The following SH3PXD2A variants were observed in gnomAD, a reference collection of about 807,000 sequenced individuals.
The protein encoded by SH3PXD2A is SH3 and PX domain-containing protein 2A.
Under a neutral mutation model 115.2 loss-of-function variants are expected in SH3PXD2A, and 32 were observed. The observed-to-expected ratio is 0.28, with a 90% confidence interval of 0.21 to 0.37. The LOEUF (loss-of-function observed/expected upper bound fraction) is 0.37, where lower values mean the gene tolerates loss of function less well. Among genes scored for constraint, SH3PXD2A ranks in the 10% least tolerant of loss-of-function variants. The pLI is 1.00. For missense variants in SH3PXD2A, 1,328 were observed against 1,498.7 expected, an observed-to-expected ratio of 0.89 and a Z score of 1.88; for synonymous variants, 610 against 629.1, an observed-to-expected ratio of 0.97 and a Z score of 0.45.
chr10:103,796,299 G>A (rs1589458086), intron 2 of SH3PXD2A, among the ~76,000 whole-genome samples: 1 of 151,592 alleles, frequency 6.6e-6, no homozygotes, highest in Non-Finnish European at 1.5e-5. Context: ...GGAGGCTGAG[G>A]CTTCAGTGAG....
chr10:103,629,269 G>A (rs1192647181), intron 8 of SH3PXD2A, among the ~76,000 whole-genome samples: 2 of 152,240 alleles, frequency 1.3e-5, no homozygotes, highest in Non-Finnish European at 2.9e-5. Flanking sequence ...CGTGGTGACA[G>A]GCAGGTGCTG....
chr10:103,706,931 C>G (rs77683461), intron 5 of SH3PXD2A, among the ~76,000 whole-genome samples: 1 of 152,170 alleles, frequency 6.6e-6, no homozygotes, highest in Non-Finnish European at 1.5e-5. Context: ...GGCAGCAGCC[C>G]GCGGCCTCCT....
intron 2 of SH3PXD2A, among the ~76,000 whole-genome samples, chr10:103,792,649 G>A (rs544588154): frequency 1.3e-3 from 204 of 152,280 alleles, no homozygotes; most frequent in Non-Finnish European, 2.5e-3. Context: ...GACAGTAAGC[G>A]CTGGGGCTGG....
At chr10:103,810,620 G>A (rs890600739) in intron 1 of SH3PXD2A, among the ~76,000 whole-genome samples, 2 of 152,116 alleles carry the variant, frequency 1.3e-5, no homozygotes, top group African/African-American at 2.4e-5. Context: ...GGTTTCTAAC[G>A]GGAGTGTCTC....
intron 1 of SH3PXD2A, among the ~76,000 whole-genome samples, chr10:103,848,985 A>C (rs1397758075): frequency 7.2e-6 from 1 of 138,784 alleles, no homozygotes; most frequent in African/African-American, 2.7e-5. Context: ...TTTACTGATG[A>C]GGAAACTGAG....
intron 8 of SH3PXD2A, among the ~76,000 whole-genome samples, chr10:103,646,419 G>T (rs2134011574): frequency 6.6e-6 from 1 of 152,270 alleles, no homozygotes; most frequent in Non-Finnish European, 1.5e-5. Flanking sequence ...CCCAGACCAG[G>T]TTTCTCATTC....
chr10:103,756,708 G>A lies in SH3PXD2A; in HGVS notation c.229+10386C>T, dbSNP rs2038645647. 6.6e-6 allele frequency among the ~76,000 whole-genome samples: 1 copy of A among 152,156 alleles called. No homozygotes were observed. The highest frequency in any genetic ancestry group is 2.4e-5 in the African/African-American group (1 of 41,430). ...CTGCCATCTTGGCCAGGGCTGCCCA[G>A]ACAGAGCTATGGGCAGTCATCCTCG... is the stretch of plus-strand genomic sequence containing the variant. On this transcript the variant is annotated intron_variant, in intron 3 of 14. Coordinates refer to ENST00000369774, the MANE Select transcript of SH3PXD2A (RefSeq NM_001394015.1). This position sits in a 1 kb window ranked among gnomAD's most constrained non-coding sequence, Gnocchi z 4.4.
In SH3PXD2A at chr10:103,595,843, C is replaced by T. The variant is rs1385257144; in HGVS notation, c.*5973G>A. ...GGGCTCTCCACCCAGTCTGTAAGCA[C>T]CAGTGTGCCCACCTTATGGCCTGGG... On this transcript the variant is annotated 3_prime_UTR_variant, in exon 15 of 15. Transcript: ENST00000369774. The T allele has an allele frequency of 6.6e-6, 1 of 152,644 alleles. No individual in the cohort carries two copies. The highest frequency in any genetic ancestry group is 1.5e-5 in the Non-Finnish European group (1 of 68,058). 9.5% of individuals were successfully genotyped at this position (152,644 alleles called of 1,614,324 possible). A position where few individuals can be genotyped will look rare whatever the true frequency, so the allele number is the denominator to read the frequency against.
At chr10:103,653,993 C>T (rs1451420815) in intron 8 of SH3PXD2A, among the ~76,000 whole-genome samples, 1 of 151,914 alleles carries the variant, frequency 6.6e-6, no homozygotes, top group Non-Finnish European at 1.5e-5. Flanking sequence ...GTCGCAGCCC[C>T]ACCACGCCCT....
intron 7 of SH3PXD2A, among the ~76,000 whole-genome samples, chr10:103,667,360 T>TA (rs2037397091): frequency 6.6e-6 from 1 of 152,142 alleles, no homozygotes; most frequent in South Asian, 2.1e-4. Context: ...TCTAGCCCCT[T>TA]ATAACTGGTT....
In SH3PXD2A at chr10:103,772,867, GA is replaced by G. The variant is rs202004579; in HGVS notation, c.154-5699del. Among the ~76,000 whole-genome samples, 842 of 152,086 alleles carry G rather than the reference GA, an allele frequency of 5.5e-3. 6 individuals carry two copies. The highest frequency in any genetic ancestry group is 0.019 in the African/African-American group (806 of 41,520). ...CTTGTGCCCTTTCTATCTAGCTCAA[GA>G]AAAAAGGGTGCATTACTACAAAAAG... On this transcript the variant is annotated intron_variant, in intron 2 of 14. Coordinates refer to ENST00000369774, the MANE Select transcript of SH3PXD2A (RefSeq NM_001394015.1).
chr10:103,634,301 G>C (rs1261533515), intron 8 of SH3PXD2A, among the ~76,000 whole-genome samples: 2 of 152,238 alleles, frequency 1.3e-5, no homozygotes, highest in Non-Finnish European at 2.9e-5. Context: ...CTGTGTGCTT[G>C]GACATGATAT....
chr10:103,834,503 C>T (rs963412937), intron 1 of SH3PXD2A, among the ~76,000 whole-genome samples: 1 of 152,174 alleles, frequency 6.6e-6, no homozygotes, highest in Non-Finnish European at 1.5e-5. Flanking sequence ...ACTGTGGTGG[C>T]TGTGCAACTC....
At chr10:103,617,418 C>A in intron 10 of SH3PXD2A, 104 bp from the exon 11 acceptor site, 2 of 781,900 alleles carry the variant, frequency 2.6e-6, no homozygotes, top group East Asian at 2.5e-5. Flanking sequence ...AACTGCTTGC[C>A]AAGAAGGTCC....
intron 1 of SH3PXD2A, among the ~76,000 whole-genome samples, chr10:103,832,754 G>A (rs951779961): frequency 5.3e-5 from 8 of 152,154 alleles, no homozygotes; most frequent in African/African-American, 1.9e-4. Context: ...CTGGGGCAGG[G>A]TGGGGGAGGG....
At chr10:103,647,440 C>A (rs2037052281) in intron 8 of SH3PXD2A, among the ~76,000 whole-genome samples, 1 of 152,152 alleles carries the variant, frequency 6.6e-6, no homozygotes, top group Non-Finnish European at 1.5e-5. Context: ...GCAGGTCAGG[C>A]CCCTGAGGTC....
rs60364879 is a variant in SH3PXD2A, at chr10:103,753,317, C to CAAAA, written c.229+13773_229+13776dup. On this transcript the variant is annotated intron_variant, in intron 3 of 14. Transcript: ENST00000369774. ...CAACATGGTGAAACCCTGCCTCTAC[C>CAAAA]AAAAAAAAAAAAAAAAAAAAAAAAA... Among the ~76,000 whole-genome samples the CAAAA allele has an allele frequency of 3.1e-3, 193 of 62,850 alleles. 3 individuals are homozygous for CAAAA. Among genetic ancestry groups the CAAAA allele is most frequent in the African/African-American group, 0.011 (183 of 15,958 alleles). The allele number at this position is 62,850 out of a possible 152,430, so 41.2% of individuals were successfully genotyped here. A position where few individuals can be genotyped will look rare whatever the true frequency, so the allele number is the denominator to read the frequency against.
Position 103,739,746 on chromosome 10 carries a change from G to A in SH3PXD2A, c.230-3938C>T, listed in dbSNP as rs193142856. Reference sequence around the variant, plus strand: ...AGCATCGCAAGGAAGATTGCACGGGGCATGAGACAGACCTAACTCATCAGG... The same window carrying A: ...AGCATCGCAAGGAAGATTGCACGGGACATGAGACAGACCTAACTCATCAGG... On this transcript the variant is annotated intron_variant, in intron 3 of 14. Transcript: ENST00000369774. Among the ~76,000 whole-genome samples, 223 of 152,326 alleles carry A rather than the reference G, an allele frequency of 1.5e-3. 1 individual carries two copies. Among genetic ancestry groups the A allele is most frequent in the African/African-American group, 4.4e-3 (183 of 41,574 alleles).
chr10:103,836,332 A>T (rs1270365890), intron 1 of SH3PXD2A, among the ~76,000 whole-genome samples: 1 of 151,748 alleles, frequency 6.6e-6, no homozygotes, highest in Non-Finnish European at 1.5e-5. Context: ...CAGCACACAC[A>T]TGCACACACA....
Sources: allele counts gnomAD v4.1 joint callset (sites outside exome capture counted in the v4.1 genomes callset), GRCh38; gene constraint gnomAD v4.1.1; non-coding constraint Gnocchi (gnomAD v3.1); transcripts MANE v1.5; gene names NCBI Gene and HGNC (gene_info 2026-07-23, HGNC 2026-07-21).